The following DOCK4 variants were observed in gnomAD, a reference collection of about 807,000 sequenced individuals.
The protein encoded by DOCK4 is dedicator of cytokinesis protein 4.
Under a neutral mutation model 268.1 loss-of-function variants are expected in DOCK4, and 97 were observed. The observed-to-expected ratio is 0.36, with a 90% confidence interval of 0.31 to 0.43. The LOEUF is 0.43. Among genes scored for constraint, DOCK4 ranks in the 20% least tolerant of loss-of-function variants. DOCK4 has a pLI of 1.00. For synonymous variants in DOCK4, 954 were observed against 887.2 expected, an observed-to-expected ratio of 1.08 and a Z score of -1.34; for missense variants, 2,145 against 2,455.7, an observed-to-expected ratio of 0.87 and a Z score of 2.67.
intron 1 of DOCK4, among the ~76,000 whole-genome samples, chr7:112,064,474 C>T (rs1806740224): frequency 6.6e-6 from 1 of 152,196 alleles, no homozygotes; most frequent in South Asian, 2.1e-4. Flanking sequence ...ATATCACTTA[C>T]AATTCCTCCA....
In DOCK4 at chr7:111,901,757, A is replaced by G. The variant is rs969765132; in HGVS notation, c.1237T>C (p.Phe413Leu). 2 of 1,606,240 alleles carry G rather than the reference A, an allele frequency of 1.2e-6. No homozygotes were observed. The highest frequency in any genetic ancestry group is 2.7e-5 in the African/African-American group (2 of 74,698). ...DLYITIERGE[F>L]EKGGKSVARN... The stretch of plus-strand genomic sequence containing the variant: ...GCCACGCTCTTCCCTCCTTTCTCAA[A>G]TTCTCCCCTTTCAATAGTGATATAT... Residue 413 changes from phenylalanine (F) to leucine (L), a missense_variant, in exon 14 of 53, where the codon TTT becomes CTT. Transcript: ENST00000428084.
At chr7:111,883,206 G>C (rs1807558999) in intron 16 of DOCK4, among the ~76,000 whole-genome samples, 1 of 152,160 alleles carries the variant, frequency 6.6e-6, no homozygotes, top group Non-Finnish European at 1.5e-5. Context: ...GCAAAGTAAT[G>C]TTCTGGAACC....
At chr7:112,087,404 G>A (rs1387656953) in intron 1 of DOCK4, among the ~76,000 whole-genome samples, 4 of 152,144 alleles carry the variant, frequency 2.6e-5, no homozygotes, top group South Asian at 2.1e-4. Flanking sequence ...TGAAAGACAC[G>A]TATGGAAATG....
At chr7:112,196,824 A>G (rs1012436083) in intron 1 of DOCK4, among the ~76,000 whole-genome samples, 7 of 152,194 alleles carry the variant, frequency 4.6e-5, no homozygotes, top group African/African-American at 1.2e-4. Flanking sequence ...ACTGATGTTG[A>G]TATCACCTTA....
chr7:112,049,929 C>T (rs1019526898), intron 1 of DOCK4, among the ~76,000 whole-genome samples: 2 of 152,124 alleles, frequency 1.3e-5, no homozygotes, highest in African/African-American at 4.8e-5. Flanking sequence ...ATTAGCTTCA[C>T]CACTACTGAT....
At chr7:111,884,422 TA>T (rs1423618488) in intron 16 of DOCK4, among the ~76,000 whole-genome samples, 1 of 152,232 alleles carries the variant, frequency 6.6e-6, no homozygotes, top group Non-Finnish European at 1.5e-5. Flanking sequence ...AACTACCATA[TA>T]ACATTGCCTC....
intron 1 of DOCK4, among the ~76,000 whole-genome samples, chr7:112,126,483 C>A (rs894791890): frequency 6.6e-6 from 1 of 152,192 alleles, no homozygotes; most frequent in Non-Finnish European, 1.5e-5. Context: ...CATTGAATGT[C>A]TGCTAATGAA....
chr7:112,054,936 A>T (rs75977669), intron 1 of DOCK4, among the ~76,000 whole-genome samples: 3 of 152,216 alleles, frequency 2.0e-5, no homozygotes, highest in African/African-American at 7.2e-5. Context: ...AAGTAAATAA[A>T]GGTAAGAAAG....
chr7:112,059,456 T>A (rs1806181376), intron 1 of DOCK4, among the ~76,000 whole-genome samples: 1 of 152,158 alleles, frequency 6.6e-6, no homozygotes. Context: ...TCCAAATTTT[T>A]TAAATGCAAT....
intron 4 of DOCK4, among the ~76,000 whole-genome samples, chr7:111,997,188 A>C (rs903289856): frequency 2.6e-5 from 4 of 152,218 alleles, no homozygotes; most frequent in Non-Finnish European, 4.4e-5. Context: ...GAATGGTATC[A>C]CATCTAGCTG....
intron 1 of DOCK4, among the ~76,000 whole-genome samples, chr7:112,121,003 G>C (rs1401769858): frequency 1.3e-5 from 2 of 152,070 alleles, no homozygotes; most frequent in Non-Finnish European, 2.9e-5. Context: ...TGGCATCAAG[G>C]GAATTCACCC....
At chr7:111,834,328 C>T (rs1803070837) in intron 26 of DOCK4, among the ~76,000 whole-genome samples, 1 of 152,148 alleles carries the variant, frequency 6.6e-6, no homozygotes, top group African/African-American at 2.4e-5. Context: ...TATTCTGCTT[C>T]TAGTTTATTG....
chr7:111,830,828 G>A (rs965832055), intron 26 of DOCK4, among the ~76,000 whole-genome samples: 2 of 151,006 alleles, frequency 1.3e-5, no homozygotes, highest in African/African-American at 2.4e-5. Context: ...TCCATGACAA[G>A]TTGGCTTTCA....
At chr7:111,753,436 CTG>C (rs1163621391) in intron 42 of DOCK4, among the ~76,000 whole-genome samples, 1 of 152,152 alleles carries the variant, frequency 6.6e-6, no homozygotes, top group East Asian at 1.9e-4. Context: ...GATCATATCA[CTG>C]CACTCCAGCC....
At chr7:111,773,814 C>T (rs765628195) in intron 36 of DOCK4, among the ~76,000 whole-genome samples, 2 of 151,268 alleles carry the variant, frequency 1.3e-5, no homozygotes, top group African/African-American at 2.4e-5. Flanking sequence ...CTTAGGAGTT[C>T]GAGACTAGCC....
intron 8 of DOCK4, among the ~76,000 whole-genome samples, chr7:111,969,430 T>A (rs73717921): frequency 2.0e-5 from 3 of 148,078 alleles, no homozygotes; most frequent in East Asian, 4.0e-4. Flanking sequence ...TCATTTTTTC[T>A]ATTAAAAAAA....
intron 44 of DOCK4, among the ~76,000 whole-genome samples, chr7:111,742,513 C>T (rs551387065): frequency 4.6e-5 from 7 of 150,894 alleles, no homozygotes; most frequent in Admixed American, 2.0e-4. Flanking sequence ...TTAAGAGGGC[C>T]GGCAATTCTC....
At chr7:112,120,804 T>C (rs762570896) in intron 1 of DOCK4, among the ~76,000 whole-genome samples, 14 of 152,266 alleles carry the variant, frequency 9.2e-5, no homozygotes, top group Non-Finnish European at 1.8e-4. Context: ...TCCATGATCT[T>C]GTGAGCTTCT....
chr7:111,828,048 A>G lies in DOCK4; in HGVS notation c.2836-5592T>C, dbSNP rs191730532. ...AAGCACAGGAGTCTCACTGCTGTAT[A>G]TATATGAAATGCCAAGGATATGGAC... On this transcript the variant is annotated intron_variant, in intron 26 of 52. Transcript: ENST00000428084. 2.0e-5 allele frequency among the ~76,000 whole-genome samples: 3 copies of G among 152,324 alleles called. No homozygotes were observed. In the East Asian group the frequency reaches 5.8e-4, roughly 29 times the overall value.
Sources: allele counts gnomAD v4.1 joint callset (sites outside exome capture counted in the v4.1 genomes callset), GRCh38; gene constraint gnomAD v4.1.1; transcripts MANE v1.5; gene names NCBI Gene and HGNC (gene_info 2026-07-23, HGNC 2026-07-21).